The following NECTIN3 variants were observed in gnomAD, a reference collection of about 807,000 sequenced individuals.
NECTIN3 encodes the protein nectin cell adhesion molecule 3.
A neutral mutation model predicts 49.4 loss-of-function variants in NECTIN3; 8 were observed. That is an observed-to-expected ratio of 0.16 (90% CI 0.10 to 0.29). The LOEUF (loss-of-function observed/expected upper bound fraction) is 0.29, where lower values mean the gene tolerates loss of function less well. Among genes scored for constraint, NECTIN3 ranks in the 10% least tolerant of loss-of-function variants. The pLI, the probability that NECTIN3 is intolerant of heterozygous loss-of-function variation, is 1.00. For missense variants in NECTIN3, 581 were observed against 654.6 expected, an observed-to-expected ratio of 0.89 and a Z score of 1.23; for synonymous variants, 277 against 241.1, an observed-to-expected ratio of 1.15 and a Z score of -1.38.
At chr3:111,116,041 G>T (rs183079348) in intron 2 of NECTIN3, among the ~76,000 whole-genome samples, 3 of 152,128 alleles carry the variant, frequency 2.0e-5, no homozygotes, top group Non-Finnish European at 4.4e-5. Flanking sequence ...GTAGTTAGAA[G>T]CTGAAGCATC....
chr3:111,137,180 C>T lies in NECTIN3; in HGVS notation c.*2965C>T, dbSNP rs1000082548. Reference sequence around the variant, plus strand: ...GAGTTTTTGATAAATACTGCTAAAACACAGTATATGAACAAGTAAGAAGTT... The same window carrying T: ...GAGTTTTTGATAAATACTGCTAAAATACAGTATATGAACAAGTAAGAAGTT... On this transcript the variant is annotated 3_prime_UTR_variant, in exon 6 of 6. Transcript: ENST00000485303. 1.1e-6 allele frequency: 1 copy of T among 938,934 alleles called. No homozygotes were observed. The highest frequency in any genetic ancestry group is 1.3e-6 in the Non-Finnish European group (1 of 787,950). The allele number at this position is 938,934 out of a possible 1,614,324, so 58.2% of individuals were successfully genotyped here.
intron 1 of NECTIN3, among the ~76,000 whole-genome samples, chr3:111,080,640 A>G (rs2031534088): frequency 6.6e-6 from 1 of 151,202 alleles, no homozygotes. Flanking sequence ...ACTGTTACAG[A>G]AGTAAAGTTT....
At chr3:111,117,950 TATTAGTG>T (rs2033759254) in intron 2 of NECTIN3, among the ~76,000 whole-genome samples, 2 of 152,020 alleles carry the variant, frequency 1.3e-5, no homozygotes, top group Admixed American at 6.6e-5. Context: ...TAAACTTAAC[TATTAGTG>T]ATGGTACGTT....
intron 1 of NECTIN3, among the ~76,000 whole-genome samples, chr3:111,079,526 C>T (rs540071597): frequency 6.6e-6 from 1 of 151,952 alleles, no homozygotes; most frequent in South Asian, 2.1e-4. Context: ...CTTAGAGATA[C>T]CATACCTACT....
At position 111,134,851 on chromosome 3, in the gene NECTIN3, A is replaced by G; in HGVS notation, c.*636A>G. 1 of 982,810 alleles carries G rather than the reference A, an allele frequency of 1.0e-6. No individual in the cohort carries two copies. 60.9% of individuals were successfully genotyped at this position (982,810 alleles called of 1,614,324 possible). A position where few individuals can be genotyped will look rare whatever the true frequency, so the allele number is the denominator to read the frequency against. On this transcript the variant is annotated 3_prime_UTR_variant, in exon 6 of 6. Coordinates refer to ENST00000485303, the MANE Select transcript of NECTIN3 (RefSeq NM_015480.3). ...CTTTTCAAAGATATTTTGTTGCACT[A>G]AAACTGTGGTAGTAAACTCAGTGAA...
chr3:111,133,608 C>G lies in NECTIN3; in HGVS notation c.1070-27C>G, dbSNP rs770359328. Reference sequence around the variant, plus strand: ...ATTGACATTCTTTGCCTTTCTGTGTCTTCTCTATCTTTACTGTTTCCATTA... The same window carrying G: ...ATTGACATTCTTTGCCTTTCTGTGTGTTCTCTATCTTTACTGTTTCCATTA... On this transcript the variant is annotated intron_variant, in intron 5 of 5. Transcript: ENST00000485303. 1.7e-5 allele frequency: 27 copies of G among 1,591,120 alleles called. No individual in the cohort carries two copies. The East Asian group carries it at 5.6e-4, about 33-fold the overall frequency.
At chr3:111,121,909 G>C (rs2033972232) in intron 3 of NECTIN3, among the ~76,000 whole-genome samples, 1 of 152,062 alleles carries the variant, frequency 6.6e-6, no homozygotes, top group South Asian at 2.1e-4. Flanking sequence ...TAGTAGAATT[G>C]CCTGTTTGGG....
downstream of NECTIN3, among the ~76,000 whole-genome samples, chr3:111,142,017 A>T (rs560801992): frequency 6.6e-6 from 1 of 151,770 alleles, no homozygotes; most frequent in African/African-American, 2.4e-5. Flanking sequence ...TAAATTCTCA[A>T]TTTTCATCAA....
chr3:111,145,439 TG>T (rs1378929967), intron 6 of NECTIN3, among the ~76,000 whole-genome samples: 1 of 152,236 alleles, frequency 6.6e-6, no homozygotes, highest in Non-Finnish European at 1.5e-5. Context: ...TAGATATAAC[TG>T]AACTATCAAG....
chr3:111,173,301 C>CTGT (rs2035467146), intron 7 of NECTIN3, among the ~76,000 whole-genome samples: 1 of 152,202 alleles, frequency 6.6e-6, no homozygotes, highest in Non-Finnish European at 1.5e-5. Flanking sequence ...TTTCTTACAT[C>CTGT]TCATTATCAA....
chr3:111,192,035 T>C (rs1054841876), upstream of NECTIN3, among the ~76,000 whole-genome samples: 1 of 152,142 alleles, frequency 6.6e-6, no homozygotes, highest in African/African-American at 2.4e-5. Flanking sequence ...TTTCACCATG[T>C]TGATCAGGCT....
At chr3:111,187,702 A>G (rs1230327289), upstream of NECTIN3, among the ~76,000 whole-genome samples, 1 of 152,220 alleles carries the variant, frequency 6.6e-6, no homozygotes, top group Admixed American at 6.5e-5. Context: ...TGAAAAAGCT[A>G]CATACTGAAT....
Position 111,134,944 on chromosome 3 carries a change from A to C in NECTIN3, c.*729A>C, listed in dbSNP as rs2107496817. 1.0e-6 allele frequency: 1 copy of C among 982,662 alleles called. No homozygotes were observed. Among genetic ancestry groups the C allele is most frequent in the African/African-American group, 1.7e-5 (1 of 57,174 alleles). The allele number at this position is 982,662 out of a possible 1,614,324, so 60.9% of individuals were successfully genotyped here. A position where few individuals can be genotyped will look rare whatever the true frequency, so the allele number is the denominator to read the frequency against. On this transcript the variant is annotated 3_prime_UTR_variant, in exon 6 of 6. Coordinates refer to ENST00000485303, the MANE Select transcript of NECTIN3 (RefSeq NM_015480.3). ...TCCAAAATACCTGCAAGAGTAATAA[A>C]ATACATACCTTTCAAACATGATAAT... is the stretch of plus-strand genomic sequence containing the variant.
upstream of NECTIN3, among the ~76,000 whole-genome samples, chr3:111,190,782 T>C (rs1045941272): frequency 6.6e-6 from 1 of 152,212 alleles, no homozygotes; most frequent in Non-Finnish European, 1.5e-5. Context: ...ATTCAGACCA[T>C]TAGCAATGGC....
At position 111,134,255 on chromosome 3, in the gene NECTIN3, C is replaced by A; in HGVS notation, c.*40C>A. 6.6e-7 allele frequency: 1 copy of A among 1,525,518 alleles called. No homozygotes were observed. Among genetic ancestry groups the A allele is most frequent in the South Asian group, 1.4e-5 (1 of 73,392 alleles). The allele number at this position is 1,525,518 out of a possible 1,614,324, so 94.5% of individuals were successfully genotyped here. On this transcript the variant is annotated 3_prime_UTR_variant, in exon 6 of 6. Transcript: ENST00000485303. ...GACTTAACTATGTACAATGTTCATT[C>A]ACACTAGTTGATCATTTTCAGATTG... is the stretch of plus-strand genomic sequence containing the variant.
chr3:111,072,478 C>A (rs1342444290), intron 1 of NECTIN3: 1 of 1,535,852 alleles, frequency 6.5e-7, no homozygotes, highest in African/African-American at 1.4e-5. Context: ...CTCCGGGGAC[C>A]GTTACTTCCT....
intron 1 of NECTIN3, among the ~76,000 whole-genome samples, chr3:111,091,698 A>G (rs1468529871): frequency 2.0e-5 from 3 of 152,150 alleles, no homozygotes; most frequent in Non-Finnish European, 1.5e-5. Flanking sequence ...CTGTCTAGTC[A>G]TTAGTTGATA....
chr3:111,180,931 TAG>T (rs915704553), intron 7 of NECTIN3, among the ~76,000 whole-genome samples: 1 of 152,204 alleles, frequency 6.6e-6, no homozygotes, highest in Non-Finnish European at 1.5e-5. Flanking sequence ...AATGACAAGT[TAG>T]AGTTTTTTTT....
At chr3:111,147,346 T>G in intron 6 of NECTIN3, 1 of 1,275,768 alleles carries the variant, frequency 7.8e-7, no homozygotes. Context: ...GATTTTCTTT[T>G]GCTTTTTTTT....
Sources: gnomAD v4.1 joint callset for allele counts (sites outside exome capture counted in the v4.1 genomes callset) on GRCh38, gnomAD v4.1.1 for gene constraint, MANE v1.5 for transcripts, NCBI Gene and HGNC (gene_info 2026-07-23, HGNC 2026-07-21) for gene names.